PLCB4: variants seen among roughly 807,000 people sequenced by gnomAD.
The protein encoded by PLCB4 is 1-phosphatidylinositol 4,5-bisphosphate phosphodiesterase beta-4.
In PLCB4, 77 loss-of-function variants were observed where a neutral mutation model predicts 178.8. The ratio of observed to expected loss-of-function variants is 0.43; its 90% CI spans 0.36 to 0.52. The LOEUF (loss-of-function observed/expected upper bound fraction) is 0.52. Among genes scored for constraint, PLCB4 ranks in the 20% least tolerant of loss-of-function variants. The probability of loss-of-function intolerance (pLI) is 0.00; values close to 1 mark genes in which losing one functional copy is unlikely to be tolerated. For missense variants in PLCB4, 1,024 were observed against 1,453.4 expected, an observed-to-expected ratio of 0.70 and a Z score of 4.80; for synonymous variants, 496 against 490.8, an observed-to-expected ratio of 1.01 and a Z score of -0.14.
At chr20:9,314,365 A>C (rs1298707958) in intron 4 of PLCB4, among the ~76,000 whole-genome samples, 1 of 152,122 alleles carries the variant, frequency 6.6e-6, no homozygotes, top group African/African-American at 2.4e-5. Flanking sequence ...CTTAATGGAC[A>C]GTCAGTCACA....
At chr20:9,320,839 T>C (rs550890406) in intron 4 of PLCB4, among the ~76,000 whole-genome samples, 3 of 152,116 alleles carry the variant, frequency 2.0e-5, no homozygotes, top group Admixed American at 6.5e-5. Flanking sequence ...AAATGCAGAT[T>C]ATTAGGCCCC....
At chr20:9,455,810 G>A (rs555333916) in intron 33 of PLCB4, among the ~76,000 whole-genome samples, 1 of 152,170 alleles carries the variant, frequency 6.6e-6, no homozygotes, top group Admixed American at 6.5e-5. Context: ...CATATCTGAG[G>A]AGAGTTTCTC....
intron 36 of PLCB4, among the ~76,000 whole-genome samples, chr20:9,472,030 G>A (rs1256330917): frequency 6.6e-6 from 1 of 152,164 alleles, no homozygotes; most frequent in African/African-American, 2.4e-5. Context: ...TTTTGTTAAT[G>A]GCAATGAGGA....
chr20:9,376,724 G>T (rs2036707298), intron 12 of PLCB4, among the ~76,000 whole-genome samples: 1 of 152,056 alleles, frequency 6.6e-6, no homozygotes, highest in Non-Finnish European at 1.5e-5. Flanking sequence ...TTCTTTGTTT[G>T]ACTTCTTACA....
At chr20:9,193,594 C>T (rs888543543) in intron 2 of PLCB4, among the ~76,000 whole-genome samples, 1 of 152,024 alleles carries the variant, frequency 6.6e-6, no homozygotes, top group Non-Finnish European at 1.5e-5. Flanking sequence ...AAGTTGGGGC[C>T]ACCATTTTGA....
chr20:9,436,167 G>T (rs1278015649), intron 29 of PLCB4, among the ~76,000 whole-genome samples: 4 of 152,054 alleles, frequency 2.6e-5, no homozygotes, highest in Non-Finnish European at 5.9e-5. Flanking sequence ...TTAGACTTGG[G>T]TCCCATCCCC....
chr20:9,409,286 A>ACACATTGCTTTGC, intron 24 of PLCB4, 105 bp downstream of exon 24: 1 of 850,516 alleles, frequency 1.2e-6, no homozygotes, highest in Non-Finnish European at 1.7e-6. Flanking sequence ...AAGGAAGCAG[A>ACACATTGCTTTGC]CATATGGCAA....
At position 9,390,554 on chromosome 20, in the gene PLCB4, C is replaced by G. The variant is rs2038055324; in HGVS notation, c.1262C>G (p.Ser421Cys). The G allele has an allele frequency of 6.3e-7, 1 of 1,584,610 alleles. No homozygotes were observed. The highest frequency in any genetic ancestry group is 8.7e-7 in the Non-Finnish European group (1 of 1,153,238). ...AGCAAATATCAACAGTACAAGATGT[C>G]CAAATATTGCGAAGATCTATTTGGG... ...HCSKYQQYKM[S>C]KYCEDLFGDL... is the part of the protein sequence containing the mutation. The change falls in exon 17 of 40, where the codon TCC becomes TGC. Residue 421 changes from serine to cysteine, a missense_variant. Physicochemically the swap from Ser to Cys is moderately radical, Grantham distance 112. Around this residue, in one of 7 missense-constraint regions of PLCB4, gnomAD observed 263 missense variants for 417.4 expected, o/e 0.63. Transcript: ENST00000378473.
intron 2 of PLCB4, among the ~76,000 whole-genome samples, chr20:9,174,624 G>A (rs1197085777): frequency 6.6e-6 from 1 of 151,984 alleles, no homozygotes; most frequent in East Asian, 1.9e-4. Flanking sequence ...CTGGGAAATT[G>A]CTGCTGCTAT....
chr20:9,210,170 A>G (rs2093658457), intron 2 of PLCB4, among the ~76,000 whole-genome samples: 1 of 152,094 alleles, frequency 6.6e-6, no homozygotes, highest in Non-Finnish European at 1.5e-5. Context: ...CATTACCATT[A>G]TTTAGAGAAA....
Position 9,444,312 on chromosome 20 carries a change from T to C in PLCB4, c.2880+69T>C, listed in dbSNP as rs1005363452. The C allele has an allele frequency of 1.4e-5, 12 of 888,596 alleles. No individual in the cohort carries two copies. The African/African-American group carries it at 2.0e-4, about 15-fold the overall frequency. 55.0% of individuals were successfully genotyped at this position (888,596 alleles called of 1,614,324 possible). ...ATCATTTGTAGCCAAAAACACTACT[T>C]TGAAGCTGATACCAGACCACTTAAC... On this transcript the variant is annotated intron_variant, in intron 32 of 39. Coordinates refer to ENST00000378473, the MANE Select transcript of PLCB4 (RefSeq NM_001377142.1).
Position 9,099,247 on chromosome 20 carries a change from G to A in PLCB4, c.-79+2905G>A, listed in dbSNP as rs78839633. ...CATGTTAAGATTGGATCCATGATTC[G>A]AGCAAGACAGGGCCAGAATGTTTTT... On this transcript the variant is annotated intron_variant, in intron 2 of 39. Transcript: ENST00000378473. 7.4e-3 allele frequency among the ~76,000 whole-genome samples: 1,127 copies of A among 152,148 alleles called. 15 individuals carry two copies. The highest frequency in any genetic ancestry group is 0.026 in the African/African-American group (1,078 of 41,514).
At chr20:9,243,548 A>G (rs1325581194) in intron 3 of PLCB4, among the ~76,000 whole-genome samples, 1 of 152,216 alleles carries the variant, frequency 6.6e-6, no homozygotes, top group African/African-American at 2.4e-5. Context: ...AGGTTGGAGC[A>G]GGTGATTTCT....
chr20:9,157,205 A>G (rs997121483), intron 2 of PLCB4, among the ~76,000 whole-genome samples: 44 of 150,098 alleles, frequency 2.9e-4, no homozygotes, highest in African/African-American at 1.1e-3. Context: ...AGCCAAGGAC[A>G]GAGAAAAATC....
chr20:9,158,687 T>C (rs1008934089), intron 2 of PLCB4, among the ~76,000 whole-genome samples: 7 of 152,044 alleles, frequency 4.6e-5, no homozygotes, highest in African/African-American at 1.4e-4. Flanking sequence ...CAATAAAAAC[T>C]AAACAGTGAA....
chr20:9,303,268 GT>G (rs2094726432), intron 3 of PLCB4, among the ~76,000 whole-genome samples: 1 of 152,124 alleles, frequency 6.6e-6, no homozygotes, highest in African/African-American at 2.4e-5. Flanking sequence ...TATGCAAAAG[GT>G]TTCAAAGTCA....
At chr20:9,459,329 G>A (rs1034700403) in intron 34 of PLCB4, among the ~76,000 whole-genome samples, 1 of 151,788 alleles carries the variant, frequency 6.6e-6, no homozygotes, top group African/African-American at 2.4e-5. Flanking sequence ...GGGCAACAGA[G>A]GCAGACTCTA....
intron 3 of PLCB4, among the ~76,000 whole-genome samples, chr20:9,242,194 G>A (rs192571840): frequency 1.0e-3 from 154 of 152,332 alleles, no homozygotes; most frequent in Non-Finnish European, 1.9e-3. Flanking sequence ...AGCATACAGG[G>A]AGGTTATTAA....
intron 3 of PLCB4, among the ~76,000 whole-genome samples, chr20:9,246,002 T>C (rs2094121536): frequency 6.6e-6 from 1 of 152,112 alleles, no homozygotes; most frequent in African/African-American, 2.4e-5. Flanking sequence ...CTGATACAGG[T>C]GTGGATACAG....
Sources: gnomAD v4.1 joint callset for allele counts (sites outside exome capture counted in the v4.1 genomes callset) on GRCh38, gnomAD v4.1.1 for gene constraint, gnomAD v4.1.1 regional missense constraint, MANE v1.5 for transcripts, NCBI Gene and HGNC (gene_info 2026-07-23, HGNC 2026-07-21) for gene names.